EPB41L3: variants seen among roughly 807,000 people sequenced by gnomAD.
EPB41L3 encodes the protein erythrocyte membrane protein band 4.1 like 3.
EPB41L3 carries 57 observed loss-of-function variants against 127.1 expected under a neutral mutation model. The ratio of observed to expected loss-of-function variants is 0.45; its 90% confidence interval spans 0.36 to 0.56. The LOEUF (loss-of-function observed/expected upper bound fraction) is 0.56, where lower values mean the gene tolerates loss of function less well. Ranked by LOEUF, EPB41L3 falls within the 20% of genes least tolerant of loss-of-function variation. EPB41L3 has a pLI of 0.00. For missense variants in EPB41L3, 1,273 were observed against 1,372.2 expected (o/e 0.93, Z 1.14); for synonymous variants, 572 against 549.5 (o/e 1.04, Z -0.57).
At chr18:5,536,674 G>A (rs1047825685) in intron 1 of EPB41L3, among the ~76,000 whole-genome samples, 2 of 151,714 alleles carry the variant, frequency 1.3e-5, no homozygotes, top group African/African-American at 4.8e-5. Flanking sequence ...TAGCTGGGCA[G>A]GGTGGCGGTT....
intron 1 of EPB41L3, among the ~76,000 whole-genome samples, chr18:5,618,684 G>A (rs964891996): frequency 4.6e-5 from 7 of 152,136 alleles, no homozygotes; most frequent in South Asian, 2.1e-4. Flanking sequence ...GTGAACAGAC[G>A]AAAGTCAATG....
In EPB41L3 at chr18:5,623,921, C is replaced by T. The variant is rs182358519; in HGVS notation, c.-468+5001G>A. On this transcript the variant is annotated intron_variant, in intron 1 of 21. Coordinates refer to the EPB41L3 transcript ENST00000545076. ...ATTCACCCATCTCAGCCTCCCAAAG[C>T]GCTGGGATTATAGGCAATGTTTTCA... Among the ~76,000 whole-genome samples the T allele has an allele frequency of 7.2e-5, 11 of 151,910 alleles. 1 individual carries two copies. Among genetic ancestry groups the T allele is most frequent in the East Asian group, 5.8e-4 (3 of 5,162 alleles).
At chr18:5,440,633 A>C (rs901537204) in intron 5 of EPB41L3, among the ~76,000 whole-genome samples, 1 of 152,250 alleles carries the variant, frequency 6.6e-6, no homozygotes, top group Non-Finnish European at 1.5e-5. Context: ...AGAAAATTAT[A>C]ACACTGATGA....
At chr18:5,453,455 C>A (rs79072125) in intron 3 of EPB41L3, among the ~76,000 whole-genome samples, 2,003 of 152,204 alleles carry the variant, frequency 0.013, 26 homozygotes, top group South Asian at 0.048. Flanking sequence ...TGCATGCATG[C>A]ATTTCTTTAG....
In EPB41L3 at chr18:5,451,231, T is replaced by G. The variant is rs183235694; in HGVS notation, c.382-5987A>C. 2.0e-5 allele frequency among the ~76,000 whole-genome samples: 3 copies of G among 152,342 alleles called. No individual in the cohort carries two copies. In the East Asian group the frequency reaches 5.8e-4, roughly 29 times the overall value. ...TTTATCCATTTTCAAGATGATGAGT[T>G]GGCTCCCTAGCATCACCCAAAGTCA... On this transcript the variant is annotated intron_variant, in intron 3 of 22. Transcript: ENST00000341928.
At chr18:5,529,876 T>G (rs2093353369) in intron 1 of EPB41L3, among the ~76,000 whole-genome samples, 1 of 151,822 alleles carries the variant, frequency 6.6e-6, no homozygotes, top group African/African-American at 2.4e-5. Flanking sequence ...CCACAGGAAC[T>G]TCAGGACAAA....
At chr18:5,506,958 G>A (rs1343918188) in intron 1 of EPB41L3, among the ~76,000 whole-genome samples, 1 of 152,150 alleles carries the variant, frequency 6.6e-6, no homozygotes, top group East Asian at 1.9e-4. Context: ...TTTTTTATAA[G>A]GACAGTCCAA....
At chr18:5,585,412 T>A (rs1466980667) in intron 3 of EPB41L3, among the ~76,000 whole-genome samples, 3 of 152,180 alleles carry the variant, frequency 2.0e-5, no homozygotes, top group Non-Finnish European at 4.4e-5. Flanking sequence ...CAGGCAATTC[T>A]CCTGCCCCAG....
chr18:5,598,575 G>A (rs1001939954), intron 3 of EPB41L3, among the ~76,000 whole-genome samples: 9 of 152,080 alleles, frequency 5.9e-5, no homozygotes, highest in South Asian at 4.2e-4. Flanking sequence ...TCTCAGTAGT[G>A]AAAAACGGTG....
chr18:5,484,188 AG>A (rs1382389709), intron 2 of EPB41L3, among the ~76,000 whole-genome samples: 2 of 149,636 alleles, frequency 1.3e-5, no homozygotes, highest in Non-Finnish European at 3.0e-5. Flanking sequence ...AATCAGTAAG[AG>A]GAACCTCAGA....
intron 3 of EPB41L3, among the ~76,000 whole-genome samples, chr18:5,565,133 G>A (rs1324468109): frequency 2.0e-5 from 3 of 151,608 alleles, no homozygotes; most frequent in Admixed American, 6.6e-5. Flanking sequence ...ACGGTGGCTC[G>A]CACCTGTAAT....
At chr18:5,431,080 C>G (rs1039355586) in intron 8 of EPB41L3, 1 of 152,118 alleles carries the variant, frequency 6.6e-6, no homozygotes, top group Admixed American at 6.5e-5. Context: ...GGACTTATAT[C>G]TACATTTCAG....
chr18:5,400,884 G>A, intron 16 of EPB41L3: 8 of 821,878 alleles, frequency 9.7e-6, no homozygotes, highest in Non-Finnish European at 1.5e-5. Context: ...AATGTTAAAG[G>A]GAAAATAAAA....
At chr18:5,499,193 G>A (rs1225814088) in intron 1 of EPB41L3, among the ~76,000 whole-genome samples, 1 of 152,168 alleles carries the variant, frequency 6.6e-6, no homozygotes, top group Non-Finnish European at 1.5e-5. Flanking sequence ...GGTTCAGCCA[G>A]GTTAGTGAAC....
At chr18:5,511,659 A>C (rs1188027517) in intron 1 of EPB41L3, among the ~76,000 whole-genome samples, 2 of 152,036 alleles carry the variant, frequency 1.3e-5, no homozygotes, top group Non-Finnish European at 2.9e-5. Flanking sequence ...CCCAGTGCTT[A>C]GTTCCTCAAT....
At chr18:5,505,547 A>C (rs2092088471) in intron 1 of EPB41L3, among the ~76,000 whole-genome samples, 1 of 127,426 alleles carries the variant, frequency 7.8e-6, no homozygotes, top group Non-Finnish European at 1.6e-5. Context: ...CCTACCCTCC[A>C]CACCTTCAGC....
At chr18:5,540,642 T>C (rs1045603197) in intron 1 of EPB41L3, 5 of 704,134 alleles carry the variant, frequency 7.1e-6, no homozygotes, top group Non-Finnish European at 8.7e-6. Context: ...GATGCAGCGA[T>C]TGCACGATTA....
chr18:5,628,592 G>A (rs866830061), intron 1 of EPB41L3, among the ~76,000 whole-genome samples: 2 of 152,234 alleles, frequency 1.3e-5, no homozygotes, highest in South Asian at 4.1e-4. Context: ...TTCGCTCCCG[G>A]GAGGATTTCG....
chr18:5,424,446 AC>A, intron 9 of EPB41L3, 87 bp from the exon 10 acceptor site: 1 of 1,062,388 alleles, frequency 9.4e-7, no homozygotes, highest in Non-Finnish European at 1.3e-6. Flanking sequence ...TCATGATGCC[AC>A]CAGAATTTTA....
Sources: gnomAD v4.1 joint callset for allele counts (sites outside exome capture counted in the v4.1 genomes callset) on GRCh38, gnomAD v4.1.1 for gene constraint, MANE v1.5 for transcripts, NCBI Gene and HGNC (gene_info 2026-07-23, HGNC 2026-07-21) for gene names.